FGD1: variants seen among roughly 807,000 people sequenced by gnomAD.
FGD1 encodes FYVE, RhoGEF and PH domain containing 1, also known as FYVE, RhoGEF and PH domain-containing protein 1.
FGD1 carries 12 observed loss-of-function variants against 65.0 expected under a neutral mutation model. The ratio of observed to expected loss-of-function variants is 0.18; its 90% confidence interval spans 0.12 to 0.30. The LOEUF (loss-of-function observed/expected upper bound fraction) is 0.30, where lower values mean the gene tolerates loss of function less well. Ranked by LOEUF, FGD1 falls within the 10% of genes least tolerant of loss-of-function variation. The pLI, the probability that FGD1 is intolerant of heterozygous loss-of-function variation, is 1.00. For missense variants in FGD1, 542 were observed against 837.6 expected (o/e 0.65, Z 4.36); for synonymous variants, 333 against 343.9 (o/e 0.97, Z 0.35).
chrX:54,479,220 CT>C (rs904480968), intron 1 of FGD1, among the ~76,000 whole-genome samples: 1 of 112,264 alleles, frequency 8.9e-6, no homozygotes, highest in Non-Finnish European at 1.9e-5. Flanking sequence ...ACAAGGGCTC[CT>C]TTTGCCCATT....
intron 8 of FGD1, among the ~76,000 whole-genome samples, chrX:54,458,489 C>T (rs938239084): frequency 2.5e-4 from 24 of 97,241 alleles, no homozygotes; most frequent in Non-Finnish European, 4.0e-4. Context: ...TGCAGTGAGC[C>T]GAGATCGCAC....
intron 6 of FGD1, among the ~76,000 whole-genome samples, chrX:54,466,188 T>A (rs1342686997): frequency 9.0e-6 from 1 of 111,400 alleles, no homozygotes; most frequent in Non-Finnish European, 1.9e-5. Context: ...CAGAAATGAG[T>A]CACACCCATT....
At chrX:54,495,073 C>G (rs1923497839) in intron 1 of FGD1, 53 bp downstream of exon 1, 1 of 1,129,893 alleles carries the variant, frequency 8.9e-7, no homozygotes, top group Non-Finnish European at 1.2e-6. Context: ...GAACCCGCTC[C>G]CAGTACCAGG....
chrX:54,457,072 A>AGAT (rs1181842012), intron 8 of FGD1, among the ~76,000 whole-genome samples: 1 of 111,550 alleles, frequency 9.0e-6, no homozygotes, highest in Non-Finnish European at 1.9e-5. Flanking sequence ...GAATCACAAT[A>AGAT]GATGGAGTAG....
In FGD1 at chrX:54,495,343, A is replaced by G; in HGVS notation, c.90T>C (p.Cys30=). ...CCGAGGCTCCAGGGTCCGAGTCGGC[A>G]CAGGCCGGCGGAGCGGCGCCCGGCG... ...TNPPGAAPPA[C]ADSDPGASEP... Residue 30 remains cysteine, a synonymous_variant, in exon 1 of 18, where the codon TGT becomes TGC. Coordinates refer to ENST00000375135, the MANE Select transcript of FGD1 (RefSeq NM_004463.3). 3.4e-6 allele frequency: 4 copies of G among 1,159,866 alleles called. No individual in the cohort carries two copies. The highest frequency in any genetic ancestry group is 4.6e-6 in the Non-Finnish European group (4 of 872,258).
rs758259606 is a variant in FGD1, at chrX:54,477,918, G to C, written c.308-6431C>G. ...GTAGATCATGAGGTCAGGAGTTCGA[G>C]ACCAGCCTGACCAACATGGCGAAAC... On this transcript the variant is annotated intron_variant, in intron 1 of 17. Transcript: ENST00000375135. 2.7e-5 allele frequency among the ~76,000 whole-genome samples: 3 copies of C among 109,192 alleles called. No individual in the cohort carries two copies. The South Asian group carries it at 1.2e-3, about 44-fold the overall frequency. 94.8% of individuals were successfully genotyped at this position (109,192 alleles called of 115,157 possible). A position where few individuals can be genotyped will look rare whatever the true frequency, so the allele number is the denominator to read the frequency against.
In FGD1 at chrX:54,494,847, G is replaced by A. The variant is rs753793024; in HGVS notation, c.307+279C>T. Among the ~76,000 whole-genome samples, 6 of 110,695 alleles carry A rather than the reference G, an allele frequency of 5.4e-5. No individual in the cohort carries two copies. The East Asian group carries it at 1.1e-3, about 21-fold the overall frequency. On this transcript the variant is annotated intron_variant, in intron 1 of 17. Transcript: ENST00000375135. Reference sequence around the variant, plus strand: ...CCTTGCAATCCTCCCTCTTTTTCTCGCGAGTGCTCCCTCTCCCATTAGCCT... The same window carrying A: ...CCTTGCAATCCTCCCTCTTTTTCTCACGAGTGCTCCCTCTCCCATTAGCCT...
chrX:54,461,646 T>C (rs367742981), intron 8 of FGD1, among the ~76,000 whole-genome samples: 1 of 52,142 alleles, frequency 1.9e-5, no homozygotes, highest in African/African-American at 6.1e-5. Context: ...AAAAGAAAAA[T>C]AGGGGTCATC....
At chrX:54,463,878 C>T (rs1922694944) in intron 8 of FGD1, among the ~76,000 whole-genome samples, 1 of 112,120 alleles carries the variant, frequency 8.9e-6, no homozygotes, top group African/African-American at 3.2e-5. Flanking sequence ...CTCAAGTAGG[C>T]TCTCCAGCCA....
chrX:54,472,841 G>A (rs1271244039), intron 1 of FGD1, among the ~76,000 whole-genome samples: 1 of 111,270 alleles, frequency 9.0e-6, no homozygotes, highest in Non-Finnish European at 1.9e-5. Flanking sequence ...GTAGTCAAGA[G>A]CTCCCGGAGG....
chrX:54,471,394 C>T lies in FGD1; in HGVS notation c.401G>A (p.Arg134His), dbSNP rs1601955742. 5.0e-6 allele frequency: 6 copies of T among 1,211,075 alleles called. No individual in the cohort carries two copies. The highest frequency in any genetic ancestry group is 6.7e-6 in the Non-Finnish European group (6 of 895,357). ...TTCAGTCGGGGGACCTGGGTCTGAG[C>T]GAAGCCGCTGGGGACCTTCTGGATG... ...EPHPEGPQRL[R>H]SDPGPPTETP... Residue 134 changes from arginine (R) to histidine (H), a missense_variant, in exon 2 of 18, where the codon CGC (arginine) becomes CAC (histidine). Coordinates refer to ENST00000375135, the MANE Select transcript of FGD1 (RefSeq NM_004463.3).
In FGD1 at chrX:54,461,618, AAAAAAAAAGAAAAAG is replaced by A. The variant is rs1569541171; in HGVS notation, c.1636+3818_1636+3832del. 2.8e-5 allele frequency among the ~76,000 whole-genome samples: 3 copies of A among 106,082 alleles called. No homozygotes were observed. The East Asian group carries it at 8.8e-4, about 31-fold the overall frequency. The allele number at this position is 106,082 out of a possible 115,157, so 92.1% of individuals were successfully genotyped here. A position where few individuals can be genotyped will look rare whatever the true frequency, so the allele number is the denominator to read the frequency against. On this transcript the variant is annotated intron_variant, in intron 8 of 17. Transcript: ENST00000375135. ...TCTGTCTCAAAAAAAAAAAAAAAAA[AAAAAAAAAGAAAAAG>A]AAAAAAGAAAAATAGGGGTCATCAG...
intron 1 of FGD1, among the ~76,000 whole-genome samples, chrX:54,486,226 A>T (rs984231650): frequency 1.8e-5 from 2 of 109,220 alleles, no homozygotes; most frequent in African/African-American, 6.8e-5. Context: ...AGCTGGGATT[A>T]TGGGCATGTG....
intron 12 of FGD1, among the ~76,000 whole-genome samples, chrX:54,454,671 GTAGAGTAAAATATGA>G (rs1922456605): frequency 9.5e-6 from 1 of 104,911 alleles, no homozygotes; most frequent in Non-Finnish European, 1.9e-5. Flanking sequence ...AAAAGAAAAG[GTAGAGTAAAATATGA>G]TACTTTAATC....
At chrX:54,461,203 T>C (rs1922620736) in intron 8 of FGD1, among the ~76,000 whole-genome samples, 1 of 111,351 alleles carries the variant, frequency 9.0e-6, no homozygotes, top group Non-Finnish European at 1.9e-5. Flanking sequence ...AATGTGGACA[T>C]GGGACTAGGC....
At chrX:54,458,561 A>G (rs1334445347) in intron 8 of FGD1, among the ~76,000 whole-genome samples, 6 of 107,180 alleles carry the variant, frequency 5.6e-5, no homozygotes, top group African/African-American at 1.7e-4. Flanking sequence ...AAAAAAAAAA[A>G]AAAAGACTCA....
intron 3 of FGD1, 37 bp downstream of exon 3, chrX:54,470,546 C>G (rs375305624): frequency 1.7e-6 from 2 of 1,191,252 alleles, no homozygotes; most frequent in Non-Finnish European, 2.3e-6. Context: ...CCAGGCTCCC[C>G]CTTTCCCCTA....
chrX:54,485,712 C>A (rs1601960438), intron 1 of FGD1, among the ~76,000 whole-genome samples: 1 of 111,165 alleles, frequency 9.0e-6, no homozygotes, highest in Non-Finnish European at 1.9e-5. Flanking sequence ...CTTAAGCAAT[C>A]CTCCCCTATC....
intron 1 of FGD1, among the ~76,000 whole-genome samples, chrX:54,479,289 A>C (rs1350121422): frequency 1.8e-5 from 2 of 111,036 alleles, no homozygotes; most frequent in African/African-American, 6.5e-5. Context: ...TCAGCTGCCA[A>C]GTTTTCCCCC....
Sources: gnomAD v4.1 joint callset for allele counts (sites outside exome capture counted in the v4.1 genomes callset) on GRCh38, gnomAD v4.1.1 for gene constraint, MANE v1.5 for transcripts, NCBI Gene and HGNC (gene_info 2026-07-23, HGNC 2026-07-21) for gene names.